The following BRD10 variants were observed in gnomAD, a reference collection of about 807,000 sequenced individuals.
BRD10 encodes bromodomain containing 10.
At chr9:5,924,846 C>A in the BRD10 span, 1 of 1,469,770 alleles carries the variant, frequency 6.8e-7, no homozygotes, top group Non-Finnish European at 9.1e-7. Flanking sequence ...CAGGCGGCTC[C>A]TGAAATAAAA....
At chr9:5,967,705 A>AC in the BRD10 span, among the ~76,000 whole-genome samples, 3 of 151,256 alleles carry the variant, frequency 2.0e-5, no homozygotes, top group Non-Finnish European at 2.9e-5. Context: ...AAAAAAAAAA[A>AC]AAAAAACACA....
the BRD10 span, among the ~76,000 whole-genome samples, chr9:5,996,446 G>C: frequency 6.6e-6 from 1 of 152,218 alleles, no homozygotes; most frequent in South Asian, 2.1e-4. Flanking sequence ...AGTCTCCCAA[G>C]TAGCTAAGAT....
the BRD10 span, among the ~76,000 whole-genome samples, chr9:5,990,934 C>T: frequency 6.6e-6 from 1 of 152,038 alleles, no homozygotes; most frequent in South Asian, 2.1e-4. Flanking sequence ...CAGAATATTG[C>T]CTGTTATTTT....
At chr9:5,926,079 G>C in the BRD10 span, among the ~76,000 whole-genome samples, 3 of 151,936 alleles carry the variant, frequency 2.0e-5, no homozygotes, top group Non-Finnish European at 4.4e-5. Context: ...CACCACAACT[G>C]GCTAATTTCT....
At chr9:5,916,572 T>TAAAACATATATAAAAACATATATA in the BRD10 span, among the ~76,000 whole-genome samples, 1 of 149,988 alleles carries the variant, frequency 6.7e-6, no homozygotes, top group Admixed American at 6.7e-5. Flanking sequence ...AAAACATATA[T>TAAAACATATATAAAAACATATATA]AAAACATATA....
the BRD10 span, chr9:5,923,456 G>A: frequency 4.9e-6 from 3 of 608,716 alleles, no homozygotes; most frequent in South Asian, 4.7e-5. Flanking sequence ...TAGCACCACT[G>A]ATGAAGACAA....
chr9:5,922,980 T>A, the BRD10 span: 19 of 1,614,026 alleles, frequency 1.2e-5, no homozygotes, highest in Non-Finnish European at 1.5e-5. Flanking sequence ...AAAGCCTGAA[T>A]GGGTTTGGTC....
At chr9:6,007,752 C>A in the BRD10 span, 1 of 1,587,312 alleles carries the variant, frequency 6.3e-7, no homozygotes, top group South Asian at 1.1e-5. Context: ...CCTCCCCAGC[C>A]GGCTCCATCG....
At chr9:5,892,496 T>A in the BRD10 span, 1 of 1,613,780 alleles carries the variant, frequency 6.2e-7, no homozygotes, top group South Asian at 1.1e-5. Context: ...AGATGCTCAC[T>A]TCATCTATGG....
At chr9:5,917,455 C>CT in the BRD10 span, among the ~76,000 whole-genome samples, 8 of 152,222 alleles carry the variant, frequency 5.3e-5, no homozygotes, top group African/African-American at 1.7e-4. Flanking sequence ...GCTTTTAAAA[C>CT]TTTAAGTGGG....
chr9:5,959,957 T>G, the BRD10 span, among the ~76,000 whole-genome samples: 1 of 152,180 alleles, frequency 6.6e-6, no homozygotes, highest in Non-Finnish European at 1.5e-5. Context: ...ATTGTGCTTC[T>G]TCCAGTGACA....
chr9:5,951,909 A>T, the BRD10 span, among the ~76,000 whole-genome samples: 3 of 152,114 alleles, frequency 2.0e-5, no homozygotes, highest in African/African-American at 7.2e-5. Flanking sequence ...CACTGTTTTC[A>T]TGAGACTATT....
the BRD10 span, among the ~76,000 whole-genome samples, chr9:5,957,454 A>C: frequency 6.6e-6 from 1 of 152,182 alleles, no homozygotes; most frequent in African/African-American, 2.4e-5. Flanking sequence ...AATACAGCCA[A>C]GTAGGTATTA....
the BRD10 span, among the ~76,000 whole-genome samples, chr9:5,943,291 C>A: frequency 3.3e-5 from 5 of 151,992 alleles, no homozygotes; most frequent in Non-Finnish European, 5.9e-5. Context: ...ATAATATATA[C>A]CATAAGTACA....
At chr9:5,972,317 A>G in the BRD10 span, among the ~76,000 whole-genome samples, 1 of 152,240 alleles carries the variant, frequency 6.6e-6, no homozygotes, top group Admixed American at 6.5e-5. Flanking sequence ...ATTATAAAAA[A>G]TGACAAAGCA....
At chr9:5,923,673 C>T in the BRD10 span, among the ~76,000 whole-genome samples, 3 of 152,148 alleles carry the variant, frequency 2.0e-5, no homozygotes, top group Non-Finnish European at 4.4e-5. Flanking sequence ...ATCTAGTTCT[C>T]TTTTTCTAGC....
chr9:5,965,156 A>G, the BRD10 span, among the ~76,000 whole-genome samples: 1 of 152,070 alleles, frequency 6.6e-6, no homozygotes, highest in South Asian at 2.1e-4. Context: ...GTATTACACA[A>G]CATAAAACAG....
At chr9:5,985,603 T>C in the BRD10 span, among the ~76,000 whole-genome samples, 105 of 152,138 alleles carry the variant, frequency 6.9e-4, no homozygotes, top group African/African-American at 2.1e-3. Flanking sequence ...CTGACCAACA[T>C]GGAGAAACCC....
the BRD10 span, among the ~76,000 whole-genome samples, chr9:5,895,529 A>G: frequency 3.3e-5 from 5 of 152,226 alleles, no homozygotes; most frequent in African/African-American, 4.8e-5. Context: ...ATGATGCAAA[A>G]TAAGTTCCCA....
Sources: gnomAD v4.1 joint callset for allele counts (sites outside exome capture counted in the v4.1 genomes callset) on GRCh38, gnomAD v4.1.1 for gene constraint, MANE v1.5 for transcripts, NCBI Gene and HGNC (gene_info 2026-07-23, HGNC 2026-07-21) for gene names.